FKRP: variants seen among roughly 807,000 people sequenced by gnomAD.
FKRP encodes the protein ribitol 5-phosphate transferase FKRP.
In FKRP, 25 loss-of-function variants were observed where a neutral mutation model predicts 30.6. The observed-to-expected ratio is 0.82, with a 90% CI of 0.60 to 1.14. FKRP has a LOEUF of 1.14. FKRP is among the 50% of genes most tolerant of loss of function. The pLI, the probability that FKRP is intolerant of heterozygous loss-of-function variation, is 0.00. For missense variants in FKRP, 771 were observed against 727.8 expected, an observed-to-expected ratio of 1.06 and a Z score of -0.68; for synonymous variants, 358 against 342.5, an observed-to-expected ratio of 1.05 and a Z score of -0.50.
chr19:46,747,584 A>G (rs2054680743), intron 1 of FKRP: 1 of 151,584 alleles, frequency 6.6e-6, no homozygotes, highest in Non-Finnish European at 1.5e-5. Flanking sequence ...TTTAGTAAAG[A>G]CGGGGTTTCT....
intron 3 of FKRP, among the ~76,000 whole-genome samples, chr19:46,754,503 T>C (rs1274421701): frequency 6.7e-6 from 1 of 150,098 alleles, no homozygotes; most frequent in Non-Finnish European, 1.5e-5. Flanking sequence ...GTGATCCTCT[T>C]GCCTTGGCCT....
chr19:46,756,971 G>C lies in FKRP; in HGVS notation c.*33G>C. ...ATAACCTCGCCTTTGTTTTTCGGGG[G>C]TCTGTCTGGATGTGGAGAAGCTCTG... is the stretch of plus-strand genomic sequence containing the variant. On this transcript the variant is annotated 3_prime_UTR_variant, in exon 4 of 4. Coordinates refer to ENST00000318584, the MANE Select transcript of FKRP (RefSeq NM_024301.5). The surrounding 1 kb of genome is among the most constrained non-coding windows in gnomAD (Gnocchi z 6.6). The C allele has an allele frequency of 6.2e-7, 1 of 1,610,770 alleles. No homozygotes were observed. Among genetic ancestry groups the C allele is most frequent in the Non-Finnish European group, 8.5e-7 (1 of 1,179,002 alleles).
Position 46,756,276 on chromosome 19 carries a change from C to A in FKRP, c.826C>A (p.Leu276Ile), listed in dbSNP as rs28937900. The stretch of plus-strand genomic sequence containing the variant: ...GCTGCTCCGCGCGCTGGGCATCCGC[C>A]TAGTGAGCTGGGAAGGCGGGCGGCT... ...AALLRALGIR[L>I]VSWEGGRLEW... Residue 276 changes from leucine (L) to isoleucine (I), a missense_variant, in exon 4 of 4, where the codon CTA becomes ATA. Coordinates refer to ENST00000318584, the MANE Select transcript of FKRP (RefSeq NM_024301.5). This position sits in a 1 kb window ranked among gnomAD's most constrained non-coding sequence, Gnocchi z 6.6. The A allele has an allele frequency of 2.0e-3, 2,992 of 1,516,960 alleles. 2 individuals carry two copies. Among genetic ancestry groups the A allele is most frequent in the Non-Finnish European group, 2.5e-3 (2,820 of 1,135,906 alleles). 94.0% of individuals were successfully genotyped at this position (1,516,960 alleles called of 1,614,324 possible).
Position 46,755,653 on chromosome 19 carries a change from ACTC to A in FKRP, c.206_208del (p.Ser69del), listed in dbSNP as rs2054893955. The A allele has an allele frequency of 6.3e-7, 1 of 1,596,300 alleles. No individual in the cohort carries two copies. ...GACAACGCGGTGCCCGAGCTGGTAG[ACTC>A]CTTCCTGCAGCAAGACCCAGCCCAG... On this transcript the variant is annotated inframe_deletion, in exon 4 of 4. Coordinates refer to ENST00000318584, the MANE Select transcript of FKRP (RefSeq NM_024301.5).
In FKRP at chr19:46,755,445, G is replaced by C. The variant is rs949601069; in HGVS notation, c.-6G>C. On this transcript the variant is annotated 5_prime_UTR_variant, in exon 4 of 4. Transcript: ENST00000318584. ...GGAGGCCCAGCTAGCCCCAGACTTC[G>C]GCCCCATGCGGCTCACCCGCTGCCA... 3.1e-6 allele frequency: 5 copies of C among 1,602,686 alleles called. No individual in the cohort carries two copies. The South Asian group carries it at 4.4e-5, about 14-fold the overall frequency.
At chr19:46,750,269 C>G (rs996704774) in intron 3 of FKRP, among the ~76,000 whole-genome samples, 1 of 152,168 alleles carries the variant, frequency 6.6e-6, no homozygotes, top group Non-Finnish European at 1.5e-5. Flanking sequence ...TTCCTTTCCC[C>G]GCCTCAGGTT....
At chr19:46,750,035 T>G (rs1447784283) in intron 3 of FKRP, among the ~76,000 whole-genome samples, 1 of 152,002 alleles carries the variant, frequency 6.6e-6, no homozygotes, top group Non-Finnish European at 1.5e-5. Flanking sequence ...TTTTTAAATG[T>G]GATCATAACA....
intron 1 of FKRP, 24 bp downstream of exon 1, chr19:46,746,114 G>GGGCCA (rs924689158): frequency 2.1e-6 from 3 of 1,458,826 alleles, no homozygotes; most frequent in Non-Finnish European, 2.7e-6. Context: ...GGGCCGGGCC[G>GGGCCA]GGTTGGGGGT....
At position 46,756,027 on chromosome 19, in the gene FKRP, G is replaced by A; in HGVS notation, c.577G>A (p.Ala193Thr). Residue 193 changes from alanine (A) to threonine (T), a missense_variant, in exon 4 of 4, where the codon GCC becomes ACC. Transcript: ENST00000318584. The surrounding 1 kb of genome is among the most constrained non-coding windows in gnomAD (Gnocchi z 6.6). ...AGCCCCCGCCGCGCCCCGCTGCGACGCCCTGGACGGAGATGCTGTGGTGCT... is the reference window on the plus strand; with the variant it reads ...AGCCCCCGCCGCGCCCCGCTGCGACACCCTGGACGGAGATGCTGTGGTGCT... ...GAAPAAPRCD[A>T]LDGDAVVLLR... 6.3e-7 allele frequency: 1 copy of A among 1,577,892 alleles called. No individual in the cohort carries two copies. Among genetic ancestry groups the A allele is most frequent in the Non-Finnish European group, 8.5e-7 (1 of 1,170,662 alleles).
chr19:46,744,927 C>T (rs1156719639), upstream of FKRP, among the ~76,000 whole-genome samples: 1 of 152,020 alleles, frequency 6.6e-6, no homozygotes, highest in African/African-American at 2.4e-5. Flanking sequence ...GGTCACAAAC[C>T]CTAGCCCAAC....
chr19:46,750,632 C>A (rs771689352), intron 3 of FKRP, among the ~76,000 whole-genome samples: 1 of 152,000 alleles, frequency 6.6e-6, no homozygotes, highest in Non-Finnish European at 1.5e-5. Flanking sequence ...CTCAAGGGAC[C>A]CTCCTGCCTC....
In FKRP at chr19:46,755,733, C is replaced by T. The variant is rs767399675; in HGVS notation, c.283C>T (p.Arg95Cys). The change falls in exon 4 of 4, where the codon CGC (arginine) becomes TGC (cysteine). Residue 95 changes from arginine to cysteine, a missense_variant. Physicochemically the swap from Arg to Cys is radical, Grantham distance 180 (BLOSUM62 -3). Coordinates refer to ENST00000318584, the MANE Select transcript of FKRP (RefSeq NM_024301.5). The stretch of plus-strand genomic sequence containing the variant: ...CCCCTACCCGCCCCTGGCCCTGCCC[C>T]GCATCCCCAACGTGCGTCTGGCGCT... ...TLPYPPLALP[R>C]IPNVRLALLQ... 15 of 1,568,492 alleles carry T rather than the reference C, an allele frequency of 9.6e-6. No homozygotes were observed. Among genetic ancestry groups the T allele is most frequent in the Non-Finnish European group, 1.3e-5 (15 of 1,164,564 alleles).
Position 46,756,228 on chromosome 19 carries a change from G to A in FKRP, c.778G>A (p.Glu260Lys). The A allele has an allele frequency of 6.9e-7, 1 of 1,451,014 alleles. No homozygotes were observed. The highest frequency in any genetic ancestry group is 9.0e-7 in the Non-Finnish European group (1 of 1,108,590). The allele number at this position is 1,451,014 out of a possible 1,614,324, so 89.9% of individuals were successfully genotyped here. A position where few individuals can be genotyped will look rare whatever the true frequency, so the allele number is the denominator to read the frequency against. ...CCACGCGCGCTGGAAGGCTGAGCGC[G>A]AGGGACGCGCTCGGCGGGCGGCGCT... ...TAHARWKAER[E>K]GRARRAALLR... The change falls in exon 4 of 4, where the codon GAG becomes AAG. Residue 260 changes from glutamate to lysine, a missense_variant. Coordinates refer to ENST00000318584, the MANE Select transcript of FKRP (RefSeq NM_024301.5). The surrounding 1 kb of genome is among the most constrained non-coding windows in gnomAD (Gnocchi z 6.6).
At chr19:46,754,277 ATCC>A (rs1271334803) in intron 3 of FKRP, 5 of 151,406 alleles carry the variant, frequency 3.3e-5, no homozygotes, top group African/African-American at 1.2e-4. Context: ...GACTCAAGTG[ATCC>A]TCCTGCCTTG....
rs1599941617 is a variant in FKRP, at chr19:46,757,449, A to G, written c.*511A>G. On this transcript the variant is annotated 3_prime_UTR_variant, in exon 4 of 4. Coordinates refer to ENST00000318584, the MANE Select transcript of FKRP (RefSeq NM_024301.5). The stretch of plus-strand genomic sequence containing the variant: ...GCCTCAGTTGCTTCCAGGATGCGGG[A>G]CCCTTGGCTGCAGGGGTTGCTTCCG... 5.6e-6 allele frequency: 1 copy of G among 179,124 alleles called. No homozygotes were observed. Among genetic ancestry groups the G allele is most frequent in the South Asian group, 1.3e-4 (1 of 7,426 alleles). 11.1% of individuals were successfully genotyped at this position (179,124 alleles called of 1,614,324 possible).
At chr19:46,754,370 A>AT (rs2054858620) in intron 3 of FKRP, 1 of 131,986 alleles carries the variant, frequency 7.6e-6, no homozygotes, top group African/African-American at 3.0e-5. Context: ...TTTTTTTTTT[A>AT]ATTTTTATTT....
chr19:46,747,280 A>C (rs1599915260), intron 1 of FKRP: 1 of 152,220 alleles, frequency 6.6e-6, no homozygotes, highest in Non-Finnish European at 1.5e-5. Flanking sequence ...CAGGGCCTGG[A>C]CCTTCCTCCG....
rs1388130995 is a variant in FKRP, at chr19:46,749,465, G to A, written c.-40+800G>A. Among the ~76,000 whole-genome samples the A allele has an allele frequency of 4.7e-4, 63 of 135,334 alleles. 1 individual carries two copies. The highest frequency in any genetic ancestry group is 1.7e-3 in the African/African-American group (59 of 35,458). The allele number at this position is 135,334 out of a possible 152,430, so 88.8% of individuals were successfully genotyped here. The stretch of plus-strand genomic sequence containing the variant: ...CTCGAGGCCAGGCGCGGTGGCTCAC[G>A]CCTGTAATCCCAGCACTTTGGGAGG... On this transcript the variant is annotated intron_variant, in intron 3 of 3. Transcript: ENST00000318584.
At position 46,756,786 on chromosome 19, in the gene FKRP, C is replaced by T. The variant is rs1276709308; in HGVS notation, c.1336C>T (p.Leu446=). Residue 446 remains leucine (L), a synonymous_variant, in exon 4 of 4, where the codon CTG becomes TTG. Transcript: ENST00000318584. The surrounding 1 kb of genome is among the most constrained non-coding windows in gnomAD (Gnocchi z 6.6). ...RQDVEFPEHF[L]QPLVPLPFAG... ...GGATGTGGAGTTTCCCGAGCACTTCCTGCAGCCGCTGGTGCCCCTGCCCTT... is the reference window on the plus strand; with the variant it reads ...GGATGTGGAGTTTCCCGAGCACTTCTTGCAGCCGCTGGTGCCCCTGCCCTT... 1 of 1,601,320 alleles carries T rather than the reference C, an allele frequency of 6.2e-7. No homozygotes were observed. The highest frequency in any genetic ancestry group is 8.5e-7 in the Non-Finnish European group (1 of 1,174,548).
Sources: gnomAD v4.1 joint callset for allele counts (sites outside exome capture counted in the v4.1 genomes callset) on GRCh38, gnomAD v4.1.1 for gene constraint, Gnocchi (gnomAD v3.1) non-coding constraint, MANE v1.5 for transcripts, NCBI Gene and HGNC (gene_info 2026-07-23, HGNC 2026-07-21) for gene names.